Variants in SGCZ observed in about 807,000 individuals in gnomAD.
SGCZ encodes sarcoglycan zeta.
SGCZ carries 40 observed loss-of-function variants against 41.3 expected under a neutral mutation model. That is an observed-to-expected ratio of 0.97 (90% CI 0.75 to 1.26). The LOEUF is 1.26. SGCZ is among the 50% of genes most tolerant of loss of function. SGCZ has a pLI of 0.00. For synonymous variants in SGCZ, 206 were observed against 137.5 expected (o/e 1.50, Z -3.49); for missense variants, 552 against 369.8 (o/e 1.49, Z -4.04).
intron 3 of SGCZ, among the ~76,000 whole-genome samples, chr8:14,306,766 C>T (rs1404388463): frequency 6.6e-6 from 1 of 152,004 alleles, no homozygotes; most frequent in African/African-American, 2.4e-5. Flanking sequence ...CCTCCCTGAT[C>T]AAATAAAAAA....
At chr8:14,468,166 A>G (rs1268565173) in intron 2 of SGCZ, among the ~76,000 whole-genome samples, 1 of 152,020 alleles carries the variant, frequency 6.6e-6, no homozygotes, top group East Asian at 1.9e-4. Flanking sequence ...TAGCTACATT[A>G]CTTTACATAA....
chr8:14,344,614 C>T (rs1354062872), intron 2 of SGCZ, among the ~76,000 whole-genome samples: 3 of 151,996 alleles, frequency 2.0e-5, no homozygotes, highest in Admixed American at 6.6e-5. Context: ...GAACGAAAGG[C>T]TTAGAAAAGC....
intron 2 of SGCZ, among the ~76,000 whole-genome samples, chr8:14,427,536 T>C (rs556444117): frequency 6.6e-6 from 1 of 152,236 alleles, no homozygotes; most frequent in African/African-American, 2.4e-5. Flanking sequence ...GAAACTCTAC[T>C]CGTCTCCCCA....
At chr8:14,120,826 T>C (rs984196232) in intron 5 of SGCZ, among the ~76,000 whole-genome samples, 2 of 152,098 alleles carry the variant, frequency 1.3e-5, no homozygotes, top group Non-Finnish European at 2.9e-5. Flanking sequence ...ATATGTAAGA[T>C]TATCCTATCC....
chr8:14,362,255 T>C (rs919392726), intron 2 of SGCZ, among the ~76,000 whole-genome samples: 2 of 152,166 alleles, frequency 1.3e-5, no homozygotes, highest in Non-Finnish European at 2.9e-5. Flanking sequence ...TGCAGAAGCC[T>C]TTTGTTCAGA....
intron 1 of SGCZ, among the ~76,000 whole-genome samples, chr8:14,838,480 T>A (rs1202239688): frequency 1.3e-5 from 2 of 152,058 alleles, no homozygotes; most frequent in African/African-American, 4.8e-5. Context: ...TTCCTCTGCC[T>A]TCATCATCCC....
intron 1 of SGCZ, among the ~76,000 whole-genome samples, chr8:14,861,021 C>A (rs965610842): frequency 1.3e-5 from 2 of 152,128 alleles, no homozygotes; most frequent in African/African-American, 4.8e-5. Flanking sequence ...GTTTAGTGTT[C>A]GCAATGTCCC....
At chr8:15,039,397 T>G (rs1242480605) in intron 1 of SGCZ, among the ~76,000 whole-genome samples, 3 of 152,174 alleles carry the variant, frequency 2.0e-5, no homozygotes, top group Non-Finnish European at 4.4e-5. Context: ...CGCATGATAT[T>G]ACTTACATGT....
intron 1 of SGCZ, among the ~76,000 whole-genome samples, chr8:14,696,339 A>T (rs1029462878): frequency 2.0e-5 from 3 of 152,078 alleles, no homozygotes; most frequent in African/African-American, 4.8e-5. Context: ...GAACGCAAAG[A>T]TTCTCCCCTG....
intron 2 of SGCZ, among the ~76,000 whole-genome samples, chr8:14,403,275 C>T (rs1440900366): frequency 5.3e-5 from 8 of 150,224 alleles, no homozygotes; most frequent in African/African-American, 1.8e-4. Context: ...ATTGAATACC[C>T]TTTATTTCCT....
chr8:14,984,796 T>C (rs984926018), intron 1 of SGCZ, among the ~76,000 whole-genome samples: 2 of 152,178 alleles, frequency 1.3e-5, no homozygotes, highest in Admixed American at 1.3e-4. Flanking sequence ...AGGGTATATT[T>C]ATATTTTTAG....
intron 5 of SGCZ, among the ~76,000 whole-genome samples, chr8:14,120,035 G>A (rs1235718368): frequency 1.3e-5 from 2 of 152,026 alleles, no homozygotes; most frequent in Non-Finnish European, 2.9e-5. Flanking sequence ...TTTTCTGTGT[G>A]TGTCTCTGCC....
At chr8:14,814,084 T>C (rs1801821005) in intron 1 of SGCZ, among the ~76,000 whole-genome samples, 1 of 152,190 alleles carries the variant, frequency 6.6e-6, no homozygotes, top group South Asian at 2.1e-4. Flanking sequence ...GATGTGCCTG[T>C]TAAATAACTT....
intron 1 of SGCZ, among the ~76,000 whole-genome samples, chr8:14,829,487 A>G (rs1310635401): frequency 6.6e-6 from 1 of 152,178 alleles, no homozygotes; most frequent in African/African-American, 2.4e-5. Context: ...TGTAAGTAGA[A>G]TTGAACATCA....
chr8:15,157,706 C>G (rs1799374779), intron 1 of SGCZ, among the ~76,000 whole-genome samples: 1 of 152,148 alleles, frequency 6.6e-6, no homozygotes, highest in Non-Finnish European at 1.5e-5. Context: ...CACAGACACA[C>G]TCTTAGGCAC....
In SGCZ at chr8:14,516,569, A is replaced by C. The variant is rs549355719; in HGVS notation, c.234+38163T>G. 2.0e-5 allele frequency among the ~76,000 whole-genome samples: 3 copies of C among 152,164 alleles called. No individual in the cohort carries two copies. The East Asian group carries it at 5.8e-4, about 29-fold the overall frequency. ...TCTACATGACCTGTTTCTTTTCACA[A>C]ACACCTGGACCACTGCAGCAATTTT... On this transcript the variant is annotated intron_variant, in intron 2 of 7. Transcript: ENST00000382080.
At chr8:15,189,255 C>A (rs1195111294) in intron 1 of SGCZ, among the ~76,000 whole-genome samples, 1 of 151,538 alleles carries the variant, frequency 6.6e-6, no homozygotes, top group African/African-American at 2.4e-5. Flanking sequence ...GTAAAGAGAA[C>A]TAAGAGCAAA....
chr8:14,975,809 A>ATATGTG lies in SGCZ; in HGVS notation c.39+261775_39+261776insCACATA, dbSNP rs1181919961. Among the ~76,000 whole-genome samples the ATATGTG allele has an allele frequency of 2.3e-5, 3 of 131,898 alleles. 1 individual carries two copies. In the South Asian group the frequency reaches 6.8e-4, roughly 30 times the overall value. 86.5% of individuals were successfully genotyped at this position (131,898 alleles called of 152,430 possible). A position where few individuals can be genotyped will look rare whatever the true frequency, so the allele number is the denominator to read the frequency against. On this transcript the variant is annotated intron_variant, in intron 1 of 7. Transcript: ENST00000382080. Reference sequence around the variant, plus strand: ...CACTTTTATATATATATATATATATATGTGTGTGTGTGTGTAGAAATAGTT... The same window carrying ATATGTG: ...CACTTTTATATATATATATATATATATATGTGTGTGTGTGTGTGTGTAGAAATAGTT...
intron 1 of SGCZ, among the ~76,000 whole-genome samples, chr8:14,607,942 T>C (rs1805805381): frequency 6.6e-6 from 1 of 152,202 alleles, no homozygotes; most frequent in Non-Finnish European, 1.5e-5. Context: ...GAGTAATTGT[T>C]ACTGCTGTAA....
Sources: gnomAD v4.1 joint callset for allele counts (sites outside exome capture counted in the v4.1 genomes callset) on GRCh38, gnomAD v4.1.1 for gene constraint, MANE v1.5 for transcripts, NCBI Gene and HGNC (gene_info 2026-07-23, HGNC 2026-07-21) for gene names.